The following ZC3H12B variants were observed in gnomAD, a reference collection of about 807,000 sequenced individuals.
The protein encoded by ZC3H12B is probable ribonuclease ZC3H12B.
In ZC3H12B, 7 loss-of-function variants were observed where a neutral mutation model predicts 43.9. The ratio of observed to expected loss-of-function variants is 0.16; its 90% CI spans 0.09 to 0.30. ZC3H12B has a LOEUF of 0.30. Among genes scored for constraint, ZC3H12B ranks in the 10% least tolerant of loss-of-function variants. The probability of loss-of-function intolerance (pLI) is 1.00; values close to 1 mark genes in which losing one functional copy is unlikely to be tolerated. For missense variants in ZC3H12B, 475 were observed against 670.2 expected (o/e 0.71, Z 3.22); for synonymous variants, 222 against 241.7 (o/e 0.92, Z 0.76).
the ZC3H12B span, among the ~76,000 whole-genome samples, chrX:65,080,998 A>G: frequency 9.0e-6 from 1 of 110,604 alleles, no homozygotes; most frequent in South Asian, 3.9e-4. Flanking sequence ...AAGTTAAGTA[A>G]TAGAGTTTCT....
At chrX:65,101,170 A>G in the ZC3H12B span, among the ~76,000 whole-genome samples, 1 of 112,152 alleles carries the variant, frequency 8.9e-6, no homozygotes, top group Non-Finnish European at 1.9e-5. Context: ...AAATTAACGC[A>G]GAAATAAAGA....
intron 2 of ZC3H12B, among the ~76,000 whole-genome samples, chrX:65,383,826 T>C (rs904443524): frequency 1.5e-4 from 16 of 110,253 alleles, no homozygotes; most frequent in Admixed American, 1.1e-3. Flanking sequence ...GAGACACCAT[T>C]TCACACCAGT....
intron 3 of ZC3H12B, among the ~76,000 whole-genome samples, chrX:65,424,479 C>A (rs1321604729): frequency 8.9e-6 from 1 of 112,135 alleles, no homozygotes; most frequent in Non-Finnish European, 1.9e-5. Context: ...AATTAGATCC[C>A]ATTTGTCAAT....
chrX:65,226,645 T>C, the ZC3H12B span, among the ~76,000 whole-genome samples: 1 of 110,957 alleles, frequency 9.0e-6, no homozygotes, highest in Non-Finnish European at 1.9e-5. Flanking sequence ...CCATCTCACG[T>C]GCAGAGACAC....
chrX:65,371,371 A>C (rs2066242522), intron 2 of ZC3H12B, among the ~76,000 whole-genome samples: 1 of 111,795 alleles, frequency 8.9e-6, no homozygotes, highest in Admixed American at 9.6e-5. Context: ...AGGTCTGTAC[A>C]GTCACATAGC....
the ZC3H12B span, among the ~76,000 whole-genome samples, chrX:65,229,066 A>G: frequency 6.3e-5 from 7 of 110,360 alleles, no homozygotes; most frequent in East Asian, 2.9e-4. Flanking sequence ...AAAAGAGCCC[A>G]CATCGCCAAG....
chrX:65,119,116 G>T, the ZC3H12B span, among the ~76,000 whole-genome samples: 1 of 111,377 alleles, frequency 9.0e-6, no homozygotes, highest in Non-Finnish European at 1.9e-5. Flanking sequence ...ACATACGTGT[G>T]CATGTGTCTT....
chrX:65,118,647 C>CT, the ZC3H12B span, among the ~76,000 whole-genome samples: 32 of 109,153 alleles, frequency 2.9e-4, 1 homozygote, highest in East Asian at 5.8e-4. Context: ...TGACAGTTTT[C>CT]TTTTTTTTTG....
chrX:65,318,257 T>G, the ZC3H12B span, among the ~76,000 whole-genome samples: 4 of 109,794 alleles, frequency 3.6e-5, no homozygotes, highest in Admixed American at 2.9e-4. Flanking sequence ...GGTTTTGATT[T>G]GCATTTCCCT....
the ZC3H12B span, among the ~76,000 whole-genome samples, chrX:65,225,499 C>A: frequency 8.9e-6 from 1 of 112,555 alleles, no homozygotes; most frequent in South Asian, 3.7e-4. Flanking sequence ...CAGTTCCTCA[C>A]CAGCAATGGA....
At chrX:65,323,641 C>T in the ZC3H12B span, among the ~76,000 whole-genome samples, 8 of 112,093 alleles carry the variant, frequency 7.1e-5, no homozygotes, top group Non-Finnish European at 1.5e-4. Flanking sequence ...GTAAATAGTG[C>T]TGCAGTAAAC....
chrX:65,356,699 A>T, the ZC3H12B span, among the ~76,000 whole-genome samples: 6 of 112,185 alleles, frequency 5.3e-5, no homozygotes, highest in African/African-American at 1.6e-4. Flanking sequence ...ATGAAAGTAT[A>T]TATCACATTT....
chrX:65,494,211 C>T (rs185231643), intron 1 of ZC3H12B, among the ~76,000 whole-genome samples: 161 of 110,348 alleles, frequency 1.5e-3, no homozygotes, highest in Non-Finnish European at 2.5e-3. Context: ...GTATTTTCCA[C>T]GTTTTATACT....
chrX:65,372,087 T>C (rs1269071412), intron 2 of ZC3H12B, among the ~76,000 whole-genome samples: 2 of 112,164 alleles, frequency 1.8e-5, no homozygotes, highest in Non-Finnish European at 3.8e-5. Context: ...TTTCAGAAAA[T>C]GTGTAGTTTC....
At chrX:65,415,564 G>A (rs754254021) in intron 3 of ZC3H12B, among the ~76,000 whole-genome samples, 1 of 111,675 alleles carries the variant, frequency 9.0e-6, no homozygotes, top group Non-Finnish European at 1.9e-5. Context: ...TAATGTTAAT[G>A]CTGGTCAGCT....
the ZC3H12B span, among the ~76,000 whole-genome samples, chrX:65,102,601 CAG>C: frequency 1.7e-4 from 19 of 111,788 alleles, no homozygotes; most frequent in Admixed American, 4.7e-4. Flanking sequence ...AATAGACAAA[CAG>C]AGAGCTAAAT....
chrX:65,340,195 C>A, the ZC3H12B span, among the ~76,000 whole-genome samples: 1 of 112,338 alleles, frequency 8.9e-6, no homozygotes, highest in African/African-American at 3.2e-5. Context: ...CCTGCCAGCT[C>A]CTTGCTTCTG....
At chrX:65,383,357 A>G (rs1473992354) in intron 2 of ZC3H12B, among the ~76,000 whole-genome samples, 3 of 112,124 alleles carry the variant, frequency 2.7e-5, no homozygotes, top group African/African-American at 9.7e-5. Context: ...TGGGGAAAGG[A>G]TTCCCTATTT....
At chrX:65,075,980 C>G in the ZC3H12B span, among the ~76,000 whole-genome samples, 1 of 111,208 alleles carries the variant, frequency 9.0e-6, no homozygotes, top group African/African-American at 3.3e-5. Context: ...ATGCAGGAGC[C>G]TTTTAACTAG....
Sources: gnomAD v4.1 joint callset for allele counts (sites outside exome capture counted in the v4.1 genomes callset) on GRCh38, gnomAD v4.1.1 for gene constraint, MANE v1.5 for transcripts, NCBI Gene and HGNC (gene_info 2026-07-23, HGNC 2026-07-21) for gene names.